Variants in TRADD observed in about 807,000 individuals in gnomAD.
TRADD encodes tumor necrosis factor receptor type 1-associated DEATH domain protein.
Under a neutral mutation model 31.5 loss-of-function variants are expected in TRADD, and 14 were observed. The observed-to-expected ratio is 0.44, with a 90% confidence interval of 0.29 to 0.69. TRADD has a LOEUF of 0.69. Ranked by LOEUF, TRADD falls within the 30% of genes least tolerant of loss-of-function variation. The pLI, the probability that TRADD is intolerant of heterozygous loss-of-function variation, is 0.11. For synonymous variants in TRADD, 220 were observed against 215.8 expected (o/e 1.02, Z -0.17); for missense variants, 388 against 435.7 (o/e 0.89, Z 0.97).
chr16:67,155,033 C>T, intron 4 of TRADD, 63 bp downstream of exon 4: 3 of 1,457,700 alleles, frequency 2.1e-6, no homozygotes, highest in Non-Finnish European at 1.9e-6. Context: ...CACCCGGCAA[C>T]GACCCCTGCC....
intron 1 of TRADD, among the ~76,000 whole-genome samples, chr16:67,158,148 A>G (rs528072304): frequency 2.0e-5 from 3 of 151,876 alleles, no homozygotes; most frequent in Non-Finnish European, 4.4e-5. Flanking sequence ...GTAAGGCACT[A>G]CTCTCGACCT....
In TRADD at chr16:67,156,517, G is replaced by T; in HGVS notation, c.144C>A (p.Ala48=). 1 of 1,612,606 alleles carries T rather than the reference G, an allele frequency of 6.2e-7. No individual in the cohort carries two copies. ...GCCCGCCCATCCACGCACCTGCCAA[G>T]GCAGCCTGCAGAGCCCTGTACACTG... ...KVAVYRALQA[A]LAESGGSPDV... Residue 48 remains alanine, a synonymous_variant, in exon 2 of 5, where the codon GCC becomes GCA. Transcript: ENST00000345057. This position sits in a 1 kb window ranked among gnomAD's most constrained non-coding sequence, Gnocchi z 4.6.
Position 67,155,247 on chromosome 16 carries a change from CA to C in TRADD, c.476del (p.Leu159ArgfsTer4). On this transcript the variant is annotated frameshift_variant, in exon 4 of 5. Transcript: ENST00000345057. LOFTEE classifies it high-confidence loss of function. ...DEELAELEDA[L>X]RNLKCGSGAR... is the part of the protein sequence containing the mutation. Reference sequence around the variant, plus strand: ...CCCCCGAGCCGCACTTCAGATTTCGCAGCGCATCCTCCAGCTCAGCCAGTTC... The same window carrying C: ...CCCCCGAGCCGCACTTCAGATTTCGCGCGCATCCTCCAGCTCAGCCAGTTC... 6.2e-7 allele frequency: 1 copy of C among 1,608,622 alleles called. No homozygotes were observed. The highest frequency in any genetic ancestry group is 8.5e-7 in the Non-Finnish European group (1 of 1,178,426).
intron 2 of TRADD, chr16:67,155,950 G>T: frequency 6.8e-7 from 1 of 1,471,248 alleles, no homozygotes; most frequent in South Asian, 1.2e-5. Context: ...GCACAGAAAA[G>T]GGGGCGTGTG....
intron 1 of TRADD, among the ~76,000 whole-genome samples, chr16:67,157,161 T>C (rs1369585223): frequency 6.6e-6 from 1 of 152,232 alleles, no homozygotes; most frequent in Non-Finnish European, 1.5e-5. Context: ...ACCTCCTGTC[T>C]TCACTTCGAA....
rs2030641090 is a variant in TRADD, at chr16:67,155,369, G to A, written c.429+8C>T. 2 of 1,601,332 alleles carry A rather than the reference G, an allele frequency of 1.2e-6. No homozygotes were observed. The highest frequency in any genetic ancestry group is 8.5e-7 in the Non-Finnish European group (1 of 1,179,752). ...CCCTACCCCATCCTGACCCTAGCCC[G>A]GCCGCACCTGCTGGGCTAGGATGCA... On this transcript the variant is annotated splice_region_variant and intron_variant, in intron 3 of 4. Transcript: ENST00000345057.
Position 67,159,431 on chromosome 16 carries a change from G to A in TRADD, c.-9+407C>T, listed in dbSNP as rs777614914. ...AGCCTGTGACTCCTTGCGACCCGCCGGGCACACCCCCTACTCAGCTACGCA... is the reference window on the plus strand; with the variant it reads ...AGCCTGTGACTCCTTGCGACCCGCCAGGCACACCCCCTACTCAGCTACGCA... On this transcript the variant is annotated intron_variant, in intron 1 of 4. Transcript: ENST00000345057. This position sits in a 1 kb window ranked among gnomAD's most constrained non-coding sequence, Gnocchi z 6.8. Among the ~76,000 whole-genome samples, 3 of 152,176 alleles carry A rather than the reference G, an allele frequency of 2.0e-5. No individual in the cohort carries two copies. Among genetic ancestry groups the A allele is most frequent in the East Asian group, 1.9e-4 (1 of 5,172 alleles).
Position 67,156,166 on chromosome 16 carries a change from G to A in TRADD, c.151+344C>T, listed in dbSNP as rs561093365. Reference sequence around the variant, plus strand: ...AGATGGGAAAGGGGGGCCTGGAAGGGTAGGTACTGGGGAGGGGTCTTGAGC... The same window carrying A: ...AGATGGGAAAGGGGGGCCTGGAAGGATAGGTACTGGGGAGGGGTCTTGAGC... On this transcript the variant is annotated intron_variant, in intron 2 of 4. Coordinates refer to ENST00000345057, the MANE Select transcript of TRADD (RefSeq NM_003789.4). This position sits in a 1 kb window ranked among gnomAD's most constrained non-coding sequence, Gnocchi z 4.6. 2.9e-6 allele frequency: 4 copies of A among 1,384,340 alleles called. No homozygotes were observed. The African/African-American group carries it at 4.3e-5, about 15-fold the overall frequency. The allele number at this position is 1,384,340 out of a possible 1,614,324, so 85.8% of individuals were successfully genotyped here.
rs2030717635 is a variant in TRADD at position 67,156,821 on chromosome 16, A to G, written c.-8-153T>C. Reference sequence around the variant, plus strand: ...CCCACCACTGGTTGGCATACTTGGGACAGGAGTTCACCATCTCACAGGAAG... The same window carrying G: ...CCCACCACTGGTTGGCATACTTGGGGCAGGAGTTCACCATCTCACAGGAAG... On this transcript the variant is annotated intron_variant, in intron 1 of 4. Transcript: ENST00000345057. The surrounding 1 kb of genome is among the most constrained non-coding windows in gnomAD (Gnocchi z 4.6). The G allele has an allele frequency of 2.9e-6, 3 of 1,037,352 alleles. No homozygotes were observed. The highest frequency in any genetic ancestry group is 4.4e-6 in the Non-Finnish European group (3 of 676,604). The allele number at this position is 1,037,352 out of a possible 1,614,324, so 64.3% of individuals were successfully genotyped here.
rs959748900 is a variant in TRADD, at chr16:67,159,462, C to G, written c.-9+376G>C. On this transcript the variant is annotated intron_variant, in intron 1 of 4. Coordinates refer to ENST00000345057, the MANE Select transcript of TRADD (RefSeq NM_003789.4). The surrounding 1 kb of genome is among the most constrained non-coding windows in gnomAD (Gnocchi z 6.8). ...ACCCCCTACTCAGCTACGCAGCTCCCGAGCGCTTGAGGGGAGCTTCCCAGG... is the reference window on the plus strand; with the variant it reads ...ACCCCCTACTCAGCTACGCAGCTCCGGAGCGCTTGAGGGGAGCTTCCCAGG... Among the ~76,000 whole-genome samples the G allele has an allele frequency of 9.8e-5, 15 of 152,324 alleles. No homozygotes were observed. Among genetic ancestry groups the G allele is most frequent in the Non-Finnish European group, 1.9e-4 (13 of 68,022 alleles).
At position 67,156,749 on chromosome 16, in the gene TRADD, A is replaced by C. The variant is rs2030715464; in HGVS notation, c.-8-81T>G. 2 of 1,580,496 alleles carry C rather than the reference A, an allele frequency of 1.3e-6. No homozygotes were observed. Among genetic ancestry groups the C allele is most frequent in the Non-Finnish European group, 8.6e-7 (1 of 1,159,340 alleles). On this transcript the variant is annotated intron_variant, in intron 1 of 4. Coordinates refer to ENST00000345057, the MANE Select transcript of TRADD (RefSeq NM_003789.4). The surrounding 1 kb of genome is among the most constrained non-coding windows in gnomAD (Gnocchi z 4.6). ...ACAACTACCCAGCCCCACGTGGTTC[A>C]GCTGTCCCCACCACAGTAGCCTCAA...
Position 67,156,816 on chromosome 16 carries a change from T to G in TRADD, c.-8-148A>C. ...TTGTCCCCACCACTGGTTGGCATAC[T>G]TGGGACAGGAGTTCACCATCTCACA... is the stretch of plus-strand genomic sequence containing the variant. On this transcript the variant is annotated intron_variant, in intron 1 of 4. Transcript: ENST00000345057. The surrounding 1 kb of genome is among the most constrained non-coding windows in gnomAD (Gnocchi z 4.6). 9.0e-7 allele frequency: 1 copy of G among 1,105,534 alleles called. No individual in the cohort carries two copies. 68.5% of individuals were successfully genotyped at this position (1,105,534 alleles called of 1,614,324 possible).
rs1242217567 is a variant in TRADD at position 67,159,833 on chromosome 16, C to T, written c.-9+5G>A. The T allele has an allele frequency of 6.6e-6, 1 of 152,314 alleles. No homozygotes were observed. Among genetic ancestry groups the T allele is most frequent in the African/African-American group, 2.4e-5 (1 of 41,472 alleles). 9.4% of individuals were successfully genotyped at this position (152,314 alleles called of 1,614,324 possible). A position where few individuals can be genotyped will look rare whatever the true frequency, so the allele number is the denominator to read the frequency against. ...GGAGCCCACCCACCCACCTGCTGCA[C>T]TAACCTGGCCGCCTCGGCGGGGCCT... On this transcript the variant is annotated splice_donor_5th_base_variant and intron_variant, in intron 1 of 4. Coordinates refer to ENST00000345057, the MANE Select transcript of TRADD (RefSeq NM_003789.4). The surrounding 1 kb of genome is among the most constrained non-coding windows in gnomAD (Gnocchi z 6.8).
rs2030699694 is a variant in TRADD, at chr16:67,156,434, G to A, written c.151+76C>T. 1 of 1,594,892 alleles carries A rather than the reference G, an allele frequency of 6.3e-7. No individual in the cohort carries two copies. The highest frequency in any genetic ancestry group is 1.7e-5 in the Admixed American group (1 of 59,966). ...TCCCACCCCAAATCTTCTTCTTAAA[G>A]GTGGCTAAACCCAGGCCCACCCACA... On this transcript the variant is annotated intron_variant, in intron 2 of 4. Transcript: ENST00000345057. The surrounding 1 kb of genome is among the most constrained non-coding windows in gnomAD (Gnocchi z 4.6).
Position 67,156,274 on chromosome 16 carries a change from G to A in TRADD, c.151+236C>T, listed in dbSNP as rs141511264. Reference sequence around the variant, plus strand: ...GGAGTGAGCCGGCTGGTGGAGGGGGGCGGGGATGGAGCAAAGGACGTTAGT... The same window carrying A: ...GGAGTGAGCCGGCTGGTGGAGGGGGACGGGGATGGAGCAAAGGACGTTAGT... On this transcript the variant is annotated intron_variant, in intron 2 of 4. Transcript: ENST00000345057. This position sits in a 1 kb window ranked among gnomAD's most constrained non-coding sequence, Gnocchi z 4.6. 162 of 1,231,004 alleles carry A rather than the reference G, an allele frequency of 1.3e-4. No individual in the cohort carries two copies. The highest frequency in any genetic ancestry group is 1.8e-4 in the Non-Finnish European group (157 of 891,052). The allele number at this position is 1,231,004 out of a possible 1,614,324, so 76.3% of individuals were successfully genotyped here. A position where few individuals can be genotyped will look rare whatever the true frequency, so the allele number is the denominator to read the frequency against.
rs533588174 is a variant in TRADD, at chr16:67,154,391, G to A, written c.*258C>T. Reference sequence around the variant, plus strand: ...GGGCTGGCTGTAAGCCCCGCTTCTGGGATGGGAGAAGGTGAGGCTGATCTC... The same window carrying A: ...GGGCTGGCTGTAAGCCCCGCTTCTGAGATGGGAGAAGGTGAGGCTGATCTC... On this transcript the variant is annotated 3_prime_UTR_variant, in exon 5 of 5. Coordinates refer to ENST00000345057, the MANE Select transcript of TRADD (RefSeq NM_003789.4). The surrounding 1 kb of genome is among the most constrained non-coding windows in gnomAD (Gnocchi z 5.2). The A allele has an allele frequency of 1.0e-4, 58 of 580,588 alleles. No individual in the cohort carries two copies. The African/African-American group carries it at 1.0e-3, about 10-fold the overall frequency. 36.0% of individuals were successfully genotyped at this position (580,588 alleles called of 1,614,324 possible).
In TRADD at chr16:67,156,024, G is replaced by A. The variant is rs755093955; in HGVS notation, c.152-370C>T. The A allele has an allele frequency of 7.3e-7, 1 of 1,376,390 alleles. No homozygotes were observed. Among genetic ancestry groups the A allele is most frequent in the Non-Finnish European group, 9.6e-7 (1 of 1,046,504 alleles). The allele number at this position is 1,376,390 out of a possible 1,614,324, so 85.3% of individuals were successfully genotyped here. A position where few individuals can be genotyped will look rare whatever the true frequency, so the allele number is the denominator to read the frequency against. On this transcript the variant is annotated intron_variant, in intron 2 of 4. Transcript: ENST00000345057. This position sits in a 1 kb window ranked among gnomAD's most constrained non-coding sequence, Gnocchi z 4.6. The stretch of plus-strand genomic sequence containing the variant: ...GGCAGAGGAGGGCGAGAGGTCTCAG[G>A]TCTTCGGCCTCCACCAAGCGCGACT...
rs2145910665 is a variant in TRADD, at chr16:67,159,502, C to T, written c.-9+336G>A. Among the ~76,000 whole-genome samples, 1 of 152,340 alleles carries T rather than the reference C, an allele frequency of 6.6e-6. No individual in the cohort carries two copies. Among genetic ancestry groups the T allele is most frequent in the South Asian group, 2.1e-4 (1 of 4,834 alleles). ...AGCTTCCCAGGCTCCCACTAGCCCA[C>T]CCTCAAGCTGGGGTTTCGCACGTGC... is the stretch of plus-strand genomic sequence containing the variant. On this transcript the variant is annotated intron_variant, in intron 1 of 4. Coordinates refer to ENST00000345057, the MANE Select transcript of TRADD (RefSeq NM_003789.4). The surrounding 1 kb of genome is among the most constrained non-coding windows in gnomAD (Gnocchi z 6.8).
chr16:67,156,016 G>A lies in TRADD; in HGVS notation c.152-362C>T, dbSNP rs1225612046. 7 of 1,384,118 alleles carry A rather than the reference G, an allele frequency of 5.1e-6. No homozygotes were observed. In the Admixed American group the frequency reaches 1.3e-4, roughly 26 times the overall value. The allele number at this position is 1,384,118 out of a possible 1,614,324, so 85.7% of individuals were successfully genotyped here. A position where few individuals can be genotyped will look rare whatever the true frequency, so the allele number is the denominator to read the frequency against. Reference sequence around the variant, plus strand: ...GCCAGCAGGGCAGAGGAGGGCGAGAGGTCTCAGGTCTTCGGCCTCCACCAA... The same window carrying A: ...GCCAGCAGGGCAGAGGAGGGCGAGAAGTCTCAGGTCTTCGGCCTCCACCAA... On this transcript the variant is annotated intron_variant, in intron 2 of 4. Coordinates refer to ENST00000345057, the MANE Select transcript of TRADD (RefSeq NM_003789.4). This position sits in a 1 kb window ranked among gnomAD's most constrained non-coding sequence, Gnocchi z 4.6.
Sources: allele counts gnomAD v4.1 joint callset (sites outside exome capture counted in the v4.1 genomes callset), GRCh38; gene constraint gnomAD v4.1.1; non-coding constraint Gnocchi (gnomAD v3.1); transcripts MANE v1.5; gene names NCBI Gene and HGNC (gene_info 2026-07-23, HGNC 2026-07-21).